The following TASP1 variants were observed in gnomAD, a reference collection of about 807,000 sequenced individuals.
The protein encoded by TASP1 is threonine aspartase 1.
TASP1 carries 16 observed loss-of-function variants against 56.6 expected under a neutral mutation model. That is an observed-to-expected ratio of 0.28 (90% confidence interval 0.19 to 0.43). The LOEUF is 0.43. Ranked by LOEUF, TASP1 falls within the 20% of genes least tolerant of loss-of-function variation. The pLI, the probability that TASP1 is intolerant of heterozygous loss-of-function variation, is 1.00. For missense variants in TASP1, 393 were observed against 511.6 expected, an observed-to-expected ratio of 0.77 and a Z score of 2.24; for synonymous variants, 179 against 184.2, an observed-to-expected ratio of 0.97 and a Z score of 0.23.
the TASP1 span, among the ~76,000 whole-genome samples, chr20:13,156,402 C>A: frequency 2.0e-4 from 31 of 152,116 alleles, no homozygotes; most frequent in Non-Finnish European, 3.1e-4. Flanking sequence ...ATGCTATGAA[C>A]GATATGCTTC....
chr20:13,132,707 A>G, the TASP1 span: 1 of 152,040 alleles, frequency 6.6e-6, no homozygotes, highest in Non-Finnish European at 1.5e-5. Flanking sequence ...TCTCTTTTAC[A>G]TCTCTGTGCT....
At chr20:13,198,299 C>T in the TASP1 span, among the ~76,000 whole-genome samples, 3 of 151,896 alleles carry the variant, frequency 2.0e-5, no homozygotes, top group African/African-American at 7.3e-5. Context: ...ATTGAGGTGC[C>T]AATGTGGTCG....
chr20:13,179,217 T>C, the TASP1 span, among the ~76,000 whole-genome samples: 2 of 152,200 alleles, frequency 1.3e-5, no homozygotes. Flanking sequence ...TGTTTAATTT[T>C]AGTATTTTTA....
At chr20:13,150,157 A>G in the TASP1 span, among the ~76,000 whole-genome samples, 1 of 152,034 alleles carries the variant, frequency 6.6e-6, no homozygotes, top group Non-Finnish European at 1.5e-5. Flanking sequence ...TCTGTCCACA[A>G]TCTCCCCCTA....
At chr20:13,219,061 A>T in the TASP1 span, among the ~76,000 whole-genome samples, 1 of 152,164 alleles carries the variant, frequency 6.6e-6, no homozygotes, top group African/African-American at 2.4e-5. Context: ...TTGGGTCCAA[A>T]ACTGTTACTT....
At chr20:13,349,075 A>G in the TASP1 span, among the ~76,000 whole-genome samples, 2 of 152,240 alleles carry the variant, frequency 1.3e-5, no homozygotes, top group Middle Eastern at 3.4e-3. Context: ...TTTTCCTATA[A>G]ACAAATGATG....
the TASP1 span, among the ~76,000 whole-genome samples, chr20:13,128,757 C>G: frequency 3.3e-5 from 5 of 151,856 alleles, no homozygotes; most frequent in African/African-American, 1.2e-4. Context: ...GTGACATGAT[C>G]TTGGCTCACT....
At chr20:13,449,657 T>C (rs1246072634) in intron 11 of TASP1, among the ~76,000 whole-genome samples, 2 of 152,154 alleles carry the variant, frequency 1.3e-5, no homozygotes, top group Non-Finnish European at 2.9e-5. Flanking sequence ...AGTTTCTGGA[T>C]TCTTCAATAT....
At chr20:13,361,737 G>A in the TASP1 span, among the ~76,000 whole-genome samples, 20 of 152,056 alleles carry the variant, frequency 1.3e-4, no homozygotes, top group African/African-American at 3.9e-4. Flanking sequence ...TACATGCCCT[G>A]CTCTTGTTTA....
intron 10 of TASP1, among the ~76,000 whole-genome samples, chr20:13,501,558 A>C (rs2043948351): frequency 6.6e-6 from 1 of 152,022 alleles, no homozygotes; most frequent in Non-Finnish European, 1.5e-5. Flanking sequence ...AACTACAGAA[A>C]ACATAATACA....
the TASP1 span, among the ~76,000 whole-genome samples, chr20:13,384,275 T>C: frequency 6.6e-6 from 1 of 152,336 alleles, no homozygotes; most frequent in East Asian, 1.9e-4. Context: ...ACAAAGTTTT[T>C]CTGCATTGCC....
the TASP1 span, among the ~76,000 whole-genome samples, chr20:13,367,524 A>AATGT: frequency 1.3e-5 from 2 of 152,164 alleles, no homozygotes; most frequent in African/African-American, 4.8e-5. Flanking sequence ...GATATCCTTT[A>AATGT]ATGTGCCTGA....
chr20:13,136,460 G>A, the TASP1 span, among the ~76,000 whole-genome samples: 24 of 151,784 alleles, frequency 1.6e-4, no homozygotes, highest in African/African-American at 5.1e-4. Flanking sequence ...ATTAGATGGC[G>A]GTGGTGGCAG....
chr20:13,596,371 TA>T (rs35818842), intron 4 of TASP1, among the ~76,000 whole-genome samples: 61,845 of 138,560 alleles, frequency 0.45, 14,156 homozygotes, highest in African/African-American at 0.62. Context: ...GTGAAACTCG[TA>T]AAAAAAAAAA....
chr20:13,177,255 A>G, the TASP1 span, among the ~76,000 whole-genome samples: 42 of 152,214 alleles, frequency 2.8e-4, no homozygotes, highest in Middle Eastern at 3.4e-3. Context: ...AGAAAAAAAA[A>G]AGGAAAGAAA....
At chr20:13,296,943 G>A in the TASP1 span, among the ~76,000 whole-genome samples, 3 of 152,020 alleles carry the variant, frequency 2.0e-5, no homozygotes, top group African/African-American at 4.8e-5. Flanking sequence ...GCTTGAACCC[G>A]GGCAGCAGAG....
At chr20:13,360,346 A>C in the TASP1 span, among the ~76,000 whole-genome samples, 1 of 150,716 alleles carries the variant, frequency 6.6e-6, no homozygotes, top group Non-Finnish European at 1.5e-5. Context: ...TACTTCAATC[A>C]AGCCCAAATT....
At chr20:13,523,590 A>T (rs2044855132) in intron 10 of TASP1, among the ~76,000 whole-genome samples, 2 of 152,136 alleles carry the variant, frequency 1.3e-5, no homozygotes, top group Non-Finnish European at 2.9e-5. Context: ...GGAAGAAACT[A>T]ATCACTAGCT....
chr20:13,367,391 C>T, the TASP1 span, among the ~76,000 whole-genome samples: 1 of 152,180 alleles, frequency 6.6e-6, no homozygotes, highest in East Asian at 1.9e-4. Flanking sequence ...ATAATAGTTG[C>T]TCCCCCTTGG....
Sources: allele counts gnomAD v4.1 joint callset (sites outside exome capture counted in the v4.1 genomes callset), GRCh38; gene constraint gnomAD v4.1.1; transcripts MANE v1.5; gene names NCBI Gene and HGNC (gene_info 2026-07-23, HGNC 2026-07-21).